The following FOXP2 variants were observed in gnomAD, a reference collection of about 807,000 sequenced individuals.
The protein encoded by FOXP2 is forkhead box protein P2.
In FOXP2, 12 loss-of-function variants were observed where a neutral mutation model predicts 115.8. That is an observed-to-expected ratio of 0.10 (90% CI 0.07 to 0.17). FOXP2 has a LOEUF of 0.17. Ranked by LOEUF, FOXP2 falls within the 10% of genes least tolerant of loss-of-function variation. The probability of loss-of-function intolerance (pLI) is 1.00; values close to 1 mark genes in which losing one functional copy is unlikely to be tolerated. For synonymous variants in FOXP2, 328 were observed against 297.7 expected (o/e 1.10, Z -1.05); for missense variants, 629 against 843.5 (o/e 0.75, Z 3.15).
At chr7:114,270,343 G>C (rs889463783) in intron 1 of FOXP2, among the ~76,000 whole-genome samples, 4 of 152,132 alleles carry the variant, frequency 2.6e-5, no homozygotes, top group African/African-American at 7.2e-5. Context: ...ATACCAAACA[G>C]CACAATATTC....
chr7:114,559,201 C>T (rs959500154), intron 3 of FOXP2, among the ~76,000 whole-genome samples: 4 of 152,126 alleles, frequency 2.6e-5, no homozygotes, highest in African/African-American at 7.2e-5. Context: ...CTTACAGGAG[C>T]ACTATGCACA....
chr7:114,142,029 A>T (rs560382595), intron 1 of FOXP2, among the ~76,000 whole-genome samples: 1 of 148,002 alleles, frequency 6.8e-6, no homozygotes, highest in Non-Finnish European at 1.5e-5. Flanking sequence ...AAAGAATTAG[A>T]TTGTTTTTTT....
intron 1 of FOXP2, among the ~76,000 whole-genome samples, chr7:114,234,023 C>CA (rs1794950503): frequency 1.3e-5 from 2 of 152,096 alleles, no homozygotes; most frequent in African/African-American, 2.4e-5. Context: ...ACAACAAAAA[C>CA]AAAAAAACTA....
At chr7:114,642,984 AT>A (rs1233727097) in intron 7 of FOXP2, among the ~76,000 whole-genome samples, 83 of 148,844 alleles carry the variant, frequency 5.6e-4, no homozygotes, top group African/African-American at 1.9e-3. Flanking sequence ...AATTTTTTGT[AT>A]TTTTTTTAGT....
At chr7:114,206,720 G>A (rs967902299) in intron 1 of FOXP2, among the ~76,000 whole-genome samples, 3 of 152,050 alleles carry the variant, frequency 2.0e-5, no homozygotes, top group African/African-American at 7.2e-5. Context: ...TCTTTGATAA[G>A]TTTCATTATT....
chr7:114,556,873 A>T (rs1800485623), intron 3 of FOXP2, among the ~76,000 whole-genome samples: 1 of 152,230 alleles, frequency 6.6e-6, no homozygotes, highest in Admixed American at 6.5e-5. Context: ...TGAGATTTCT[A>T]TTAAGAAAAA....
At chr7:114,262,593 A>C (rs1795783642) in intron 1 of FOXP2, among the ~76,000 whole-genome samples, 1 of 152,224 alleles carries the variant, frequency 6.6e-6, no homozygotes, top group Admixed American at 6.5e-5. Flanking sequence ...GCCATTAGCC[A>C]CACAGGGTTG....
At chr7:114,459,598 GTTTT>G (rs1378236292) in intron 2 of FOXP2, among the ~76,000 whole-genome samples, 1 of 151,936 alleles carries the variant, frequency 6.6e-6, no homozygotes, top group Admixed American at 6.6e-5. Flanking sequence ...TGTTTCTTTG[GTTTT>G]TTGTTTGTTT....
intron 2 of FOXP2, among the ~76,000 whole-genome samples, chr7:114,435,426 T>C (rs1210387132): frequency 6.6e-6 from 1 of 152,166 alleles, no homozygotes; most frequent in Admixed American, 6.5e-5. Flanking sequence ...ATTCAGTGTT[T>C]GGATGCACTT....
chr7:114,370,850 G>C (rs1398436162), intron 2 of FOXP2, among the ~76,000 whole-genome samples: 1 of 152,100 alleles, frequency 6.6e-6, no homozygotes, highest in Non-Finnish European at 1.5e-5. Context: ...AGGTTTCTCA[G>C]TCAAAGAAAT....
At chr7:114,630,824 CAGA>C (rs1804862133) in intron 5 of FOXP2, among the ~76,000 whole-genome samples, 1 of 152,116 alleles carries the variant, frequency 6.6e-6, no homozygotes, top group African/African-American at 2.4e-5. Context: ...GTGAGCGCAT[CAGA>C]AGTTTCTCTT....
At chr7:114,132,575 GT>G (rs1791914740) in intron 1 of FOXP2, among the ~76,000 whole-genome samples, 1 of 118,372 alleles carries the variant, frequency 8.4e-6, no homozygotes, top group Non-Finnish European at 1.8e-5. Flanking sequence ...GTGTGTGTGT[GT>G]GTGTGTGAGA....
At chr7:114,252,079 A>G (rs1027815967) in intron 1 of FOXP2, among the ~76,000 whole-genome samples, 1 of 152,146 alleles carries the variant, frequency 6.6e-6, no homozygotes, top group East Asian at 1.9e-4. Context: ...TTCTGTTTAT[A>G]TACTGGATTA....
At chr7:114,304,899 C>G (rs1796975367) in intron 2 of FOXP2, among the ~76,000 whole-genome samples, 1 of 151,952 alleles carries the variant, frequency 6.6e-6, no homozygotes, top group African/African-American at 2.4e-5. Flanking sequence ...CATTTAAGAA[C>G]AGAAAGCAAT....
At chr7:114,329,946 A>G (rs1006608669) in intron 2 of FOXP2, among the ~76,000 whole-genome samples, 5 of 152,164 alleles carry the variant, frequency 3.3e-5, no homozygotes, top group African/African-American at 1.2e-4. Context: ...AAGTGCTGGG[A>G]TTACAGGTGT....
chr7:114,473,559 G>T (rs1230841853), intron 2 of FOXP2, among the ~76,000 whole-genome samples: 1 of 152,132 alleles, frequency 6.6e-6, no homozygotes, highest in East Asian at 1.9e-4. Context: ...ACCTTAAAAA[G>T]CTTCTTATGA....
intron 3 of FOXP2, among the ~76,000 whole-genome samples, chr7:114,616,361 C>T (rs1472079282): frequency 1.3e-5 from 2 of 152,122 alleles, no homozygotes; most frequent in Non-Finnish European, 2.9e-5. Context: ...ATGTGTTTCA[C>T]CACGTTGGCC....
chr7:114,377,023 A>G (rs1015193647), intron 2 of FOXP2, among the ~76,000 whole-genome samples: 3 of 152,204 alleles, frequency 2.0e-5, no homozygotes, highest in African/African-American at 7.2e-5. Flanking sequence ...TGCAGGACAG[A>G]TGTCAGACAT....
chr7:114,312,712 T>G (rs562151984), intron 2 of FOXP2, among the ~76,000 whole-genome samples: 1 of 152,280 alleles, frequency 6.6e-6, no homozygotes, highest in Admixed American at 6.5e-5. Context: ...TTGCCTCAAG[T>G]CTTACAGCAA....
Sources: allele counts gnomAD v4.1 joint callset (sites outside exome capture counted in the v4.1 genomes callset), GRCh38; gene constraint gnomAD v4.1.1; transcripts MANE v1.5; gene names NCBI Gene and HGNC (gene_info 2026-07-23, HGNC 2026-07-21).